Variants in ZNF853 observed in about 807,000 individuals in gnomAD.
ZNF853 encodes the protein zinc finger protein 853.
ZNF853 carries 57 observed loss-of-function variants against 94.7 expected under a neutral mutation model. The ratio of observed to expected loss-of-function variants is 0.60; its 90% CI spans 0.49 to 0.75. ZNF853 has a LOEUF of 0.75. ZNF853 is among the 30% of genes least tolerant of loss of function. ZNF853 has a pLI of 0.00. For missense variants in ZNF853, 785 were observed against 868.9 expected (o/e 0.90, Z 1.21); for synonymous variants, 448 against 406.3 (o/e 1.10, Z -1.23).
intron 2 of ZNF853, among the ~76,000 whole-genome samples, chr7:6,620,594 CTTCTTCCT>C: frequency 8.0e-6 from 1 of 124,692 alleles, no homozygotes; most frequent in Non-Finnish European, 1.7e-5. Context: ...CCTTTCTTCC[CTTCTTCCT>C]TTCTTTCTCT....
In ZNF853 at chr7:6,622,471, T is replaced by C. The variant is rs1312342048; in HGVS notation, c.1480T>C (p.Phe494Leu). ...PTICGECGKG[F>L]SRSTDLVRHQ... is the part of the protein sequence containing the mutation. ...CATCTGCGGGGAGTGCGGCAAGGGC[T>C]TCAGCCGCAGCACGGACCTGGTGCG... Residue 494 changes from phenylalanine (F) to leucine (L), a missense_variant, in exon 3 of 3, where the codon TTC (phenylalanine) becomes CTC (leucine). By Grantham distance (22) the Phe-to-Leu change is conservative. Transcript: ENST00000457543. The C allele has an allele frequency of 6.5e-7, 1 of 1,530,980 alleles. No homozygotes were observed. Among genetic ancestry groups the C allele is most frequent in the Non-Finnish European group, 8.8e-7 (1 of 1,140,706 alleles). 94.8% of individuals were successfully genotyped at this position (1,530,980 alleles called of 1,614,324 possible).
At position 6,621,945 on chromosome 7, in the gene ZNF853, A is replaced by G; in HGVS notation, c.954A>G (p.Glu318=). The G allele has an allele frequency of 1.3e-6, 2 of 1,551,064 alleles. No individual in the cohort carries two copies. The highest frequency in any genetic ancestry group is 1.2e-5 in the South Asian group (1 of 84,030). The change falls in exon 3 of 3, where the codon GAA becomes GAG. Residue 318 remains glutamate, a synonymous_variant. Transcript: ENST00000457543. The part of the protein sequence containing the change: ...QPPPLEPEEE[E]EVELELMPVD... ...CTCCCCTGGAGCCCGAGGAGGAGGAAGAGGTGGAGCTGGAGCTCATGCCGG... is the reference window on the plus strand; with the variant it reads ...CTCCCCTGGAGCCCGAGGAGGAGGAGGAGGTGGAGCTGGAGCTCATGCCGG...
Position 6,623,404 on chromosome 7 carries a change from C to A in ZNF853, c.*433C>A. On this transcript the variant is annotated 3_prime_UTR_variant, in exon 3 of 3. Transcript: ENST00000457543. ...AATCTTCGATCCTGGTGAAAATGAT[C>A]GCAAGGAGAAATTCGGGGAGGAAGC... The A allele has an allele frequency of 5.0e-6, 2 of 398,502 alleles. No individual in the cohort carries two copies. Among genetic ancestry groups the A allele is most frequent in the South Asian group, 1.3e-4 (1 of 7,794 alleles). 24.7% of individuals were successfully genotyped at this position (398,502 alleles called of 1,614,324 possible).
intron 1 of ZNF853, among the ~76,000 whole-genome samples, chr7:6,616,864 C>T: frequency 5.9e-5 from 9 of 152,160 alleles, no homozygotes; most frequent in Non-Finnish European, 1.0e-4. Context: ...AGCTTTCCTC[C>T]CTTGTGAAGG....
intron 1 of ZNF853, 33 bp downstream of exon 1, chr7:6,616,219 C>G: frequency 6.5e-7 from 1 of 1,546,184 alleles, no homozygotes; most frequent in Non-Finnish European, 8.7e-7. Flanking sequence ...CGCTGGGCAA[C>G]CGGGGACGCG....
chr7:6,618,881 G>A, intron 2 of ZNF853, among the ~76,000 whole-genome samples: 6 of 152,058 alleles, frequency 3.9e-5, no homozygotes, highest in Non-Finnish European at 8.8e-5. Flanking sequence ...TTGCTGGGGG[G>A]ACAGTTTTCA....
Position 6,622,006 on chromosome 7 carries a change from C to T in ZNF853, c.1015C>T (p.Arg339Trp), listed in dbSNP as rs1378932079. Residue 339 changes from arginine (R) to tryptophan (W), a missense_variant, in exon 3 of 3, where the codon CGG becomes TGG. By Grantham distance (101) the Arg-to-Trp change is moderately radical (BLOSUM62 -3). Transcript: ENST00000457543. ...GTCAGAGCAGGAGCTGGAGCAGCAG[C>T]GGCAGGAGTTGGAGCGGCAGCAGGA... ...LGSEQELEQQ[R>W]QELERQQELE... is the part of the protein sequence containing the mutation. 9.0e-6 allele frequency: 14 copies of T among 1,550,028 alleles called. No homozygotes were observed. Among genetic ancestry groups the T allele is most frequent in the Admixed American group, 2.0e-5 (1 of 50,992 alleles).
At chr7:6,617,495 G>A in intron 2 of ZNF853, 188 bp downstream of exon 2, 3 of 770,448 alleles carry the variant, frequency 3.9e-6, no homozygotes, top group Non-Finnish European at 4.7e-6. Context: ...CCAGGCTGGT[G>A]AGGGGCTCCC....
chr7:6,621,837 G>A lies in ZNF853; in HGVS notation c.846G>A (p.Gln282=). 6.4e-7 allele frequency: 1 copy of A among 1,550,712 alleles called. No individual in the cohort carries two copies. The highest frequency in any genetic ancestry group is 1.4e-5 in the African/African-American group (1 of 73,162). ...AQLQQQLLLQ[Q]QEQLQQQQQQ... is the part of the protein sequence containing the mutation. ...TACAGCAGCAGCTACTGCTGCAGCA[G>A]CAGGAACAGTTACAGCAGCAGCAGC... Residue 282 remains glutamine (Q), a synonymous_variant, in exon 3 of 3, where the codon CAG becomes CAA. Transcript: ENST00000457543.
rs755511201 is a variant in ZNF853, at chr7:6,621,293, AGCAACAGCCGCAACACGAGCAGCT to A, written c.315_338del (p.His106_Gln113del). 3 of 1,551,066 alleles carry A rather than the reference AGCAACAGCCGCAACACGAGCAGCT, an allele frequency of 1.9e-6. No individual in the cohort carries two copies. Among genetic ancestry groups the A allele is most frequent in the South Asian group, 2.4e-5 (2 of 84,050 alleles). On this transcript the variant is annotated inframe_deletion, in exon 3 of 3. Transcript: ENST00000457543. ...CAGTTAGAACAGCAGCCCGAGCCGC[AGCAACAGCCGCAACACGAGCAGCT>A]GCAACAGCCGCAGCCACACCTAGAA...
rs1048350897 is a variant in ZNF853 at position 6,624,002 on chromosome 7, G to A, written c.*1031G>A. On this transcript the variant is annotated 3_prime_UTR_variant, in exon 3 of 3. Coordinates refer to ENST00000457543, the MANE Select transcript of ZNF853 (RefSeq NM_017560.3). ...GGGCTGGGGAAAGAATATCTGAGAC[G>A]ACGTTTGGGAGCAATGCTCTTTACC... 2.6e-5 allele frequency: 4 copies of A among 152,292 alleles called. No homozygotes were observed. The highest frequency in any genetic ancestry group is 9.6e-5 in the African/African-American group (4 of 41,472). 9.4% of individuals were successfully genotyped at this position (152,292 alleles called of 1,614,324 possible). A position where few individuals can be genotyped will look rare whatever the true frequency, so the allele number is the denominator to read the frequency against.
chr7:6,622,691 G>A lies in ZNF853; in HGVS notation c.1700G>A (p.Arg567Gln), dbSNP rs749017783. The A allele has an allele frequency of 4.4e-6, 7 of 1,576,742 alleles. No individual in the cohort carries two copies. The South Asian group carries it at 5.7e-5, about 13-fold the overall frequency. Residue 567 changes from arginine (R) to glutamine (Q), a missense_variant, in exon 3 of 3, where the codon CGA (arginine) becomes CAA (glutamine). Coordinates refer to ENST00000457543, the MANE Select transcript of ZNF853 (RefSeq NM_017560.3). ...CACCAGCGCACGCACACCGGGGAGC[G>A]ACCCTACGCCTGCGGGGACTGTGGC... The part of the protein sequence containing the change: ...VQHQRTHTGE[R>Q]PYACGDCGKR...
Position 6,623,615 on chromosome 7 carries a change from C to G in ZNF853, c.*644C>G. ...GATGTGCAAATCCAAGCCAGGAAGT[C>G]CTGCTCCGGGTGGAAGGTAAAACCT... On this transcript the variant is annotated 3_prime_UTR_variant, in exon 3 of 3. Transcript: ENST00000457543. 1 of 336,418 alleles carries G rather than the reference C, an allele frequency of 3.0e-6. No individual in the cohort carries two copies. The allele number at this position is 336,418 out of a possible 1,614,324, so 20.8% of individuals were successfully genotyped here.
In ZNF853 at chr7:6,623,351, A is replaced by T. The variant is rs1473742198; in HGVS notation, c.*380A>T. The T allele has an allele frequency of 5.0e-6, 2 of 398,460 alleles. No homozygotes were observed. Among genetic ancestry groups the T allele is most frequent in the Non-Finnish European group, 8.8e-6 (2 of 226,062 alleles). The allele number at this position is 398,460 out of a possible 1,614,324, so 24.7% of individuals were successfully genotyped here. ...CCGAGGACTGGACACCCACCAGGGA[A>T]TCAAGACGTGGTGAGACACACGTGG... On this transcript the variant is annotated 3_prime_UTR_variant, in exon 3 of 3. Coordinates refer to ENST00000457543, the MANE Select transcript of ZNF853 (RefSeq NM_017560.3).
In ZNF853 at chr7:6,617,217, G is replaced by T. The variant is rs760981970; in HGVS notation, c.40G>T (p.Ala14Ser). The T allele has an allele frequency of 2.0e-6, 3 of 1,538,148 alleles. No homozygotes were observed. The highest frequency in any genetic ancestry group is 8.8e-7 in the Non-Finnish European group (1 of 1,141,038). Residue 14 changes from alanine (A) to serine (S), a missense_variant, in exon 2 of 3, where the codon GCC becomes TCC. By Grantham distance (99) the Ala-to-Ser change is moderately conservative. Transcript: ENST00000457543. ...QPTPGNRGLT[A>S]RMEVGPATET... is the part of the protein sequence containing the mutation. ...GACTCCCGGGAATCGGGGTCTGACC[G>T]CCAGGATGGAAGTGGGGCCAGCCAC...
chr7:6,615,931 G>A lies in ZNF853; in HGVS notation c.-244G>A, dbSNP rs1396815364. 7.3e-6 allele frequency: 3 copies of A among 408,238 alleles called. No homozygotes were observed. Among genetic ancestry groups the A allele is most frequent in the East Asian group, 7.7e-5 (2 of 26,058 alleles). The allele number at this position is 408,238 out of a possible 1,614,324, so 25.3% of individuals were successfully genotyped here. A position where few individuals can be genotyped will look rare whatever the true frequency, so the allele number is the denominator to read the frequency against. The stretch of plus-strand genomic sequence containing the variant: ...GCCTCCCGCCCCAGCCCCCGCCGGA[G>A]AGTCTCCACCAACTTCTGCTCGGCC... On this transcript the variant is annotated 5_prime_UTR_variant, in exon 1 of 3. Transcript: ENST00000457543. The surrounding 1 kb of genome is among the most constrained non-coding windows in gnomAD (Gnocchi z 8.5).
chr7:6,623,186 A>T lies in ZNF853; in HGVS notation c.*215A>T, dbSNP rs1422051891. 2.2e-6 allele frequency: 1 copy of T among 449,868 alleles called. No homozygotes were observed. Among genetic ancestry groups the T allele is most frequent in the Non-Finnish European group, 3.7e-6 (1 of 273,176 alleles). The allele number at this position is 449,868 out of a possible 1,614,324, so 27.9% of individuals were successfully genotyped here. A position where few individuals can be genotyped will look rare whatever the true frequency, so the allele number is the denominator to read the frequency against. ...CAGAAAAATCCATCCGCCAAAAGAG[A>T]AGTGGACCGGGGCTGAAACAGCACA... is the stretch of plus-strand genomic sequence containing the variant. On this transcript the variant is annotated 3_prime_UTR_variant, in exon 3 of 3. Transcript: ENST00000457543.
chr7:6,618,039 C>T, intron 2 of ZNF853, among the ~76,000 whole-genome samples: 2 of 152,150 alleles, frequency 1.3e-5, no homozygotes, highest in South Asian at 4.1e-4. Flanking sequence ...ATGGCTCATT[C>T]CTGTAATCCC....
In ZNF853 at chr7:6,617,318, CGGG is replaced by C; in HGVS notation, c.130+14_130+16del. Reference sequence around the variant, plus strand: ...CTGACACCCTCTCAGGTGAGGGCCTCGGGGGATCCCTTGACAGAGCCTCATGCC... The same window carrying C: ...CTGACACCCTCTCAGGTGAGGGCCTCGGATCCCTTGACAGAGCCTCATGCC... On this transcript the variant is annotated intron_variant, in intron 2 of 2. Coordinates refer to ENST00000457543, the MANE Select transcript of ZNF853 (RefSeq NM_017560.3). 1.4e-6 allele frequency: 2 copies of C among 1,441,564 alleles called. No individual in the cohort carries two copies. Among genetic ancestry groups the C allele is most frequent in the South Asian group, 2.8e-5 (2 of 71,876 alleles). 89.3% of individuals were successfully genotyped at this position (1,441,564 alleles called of 1,614,324 possible). A position where few individuals can be genotyped will look rare whatever the true frequency, so the allele number is the denominator to read the frequency against.
Sources: gnomAD v4.1 joint callset for allele counts (sites outside exome capture counted in the v4.1 genomes callset) on GRCh38, gnomAD v4.1.1 for gene constraint, Gnocchi (gnomAD v3.1) non-coding constraint, MANE v1.5 for transcripts, NCBI Gene and HGNC (gene_info 2026-07-23, HGNC 2026-07-21) for gene names.